INTS3: variants seen among roughly 807,000 people sequenced by gnomAD.
The protein encoded by INTS3 is SOSS complex subunit A.
Under a neutral mutation model 146.3 loss-of-function variants are expected in INTS3, and 34 were observed. The observed-to-expected ratio is 0.23, with a 90% CI of 0.18 to 0.31. INTS3 has a LOEUF of 0.31. Ranked by LOEUF, INTS3 falls within the 10% of genes least tolerant of loss-of-function variation. The pLI is 1.00. For missense variants in INTS3, 757 were observed against 1,304.2 expected (o/e 0.58, Z 6.46); for synonymous variants, 475 against 494.9 (o/e 0.96, Z 0.53).
intron 5 of INTS3, 40 bp downstream of exon 5, chr1:153,747,403 A>G: frequency 6.9e-7 from 1 of 1,459,060 alleles, no homozygotes; most frequent in Non-Finnish European, 9.6e-7. Flanking sequence ...AAAGGAGGAG[A>G]GCCCAGAGAC....
chr1:153,763,378 G>A lies in INTS3; in HGVS notation c.1766+16G>A. 2 of 1,613,578 alleles carry A rather than the reference G, an allele frequency of 1.2e-6. No individual in the cohort carries two copies. Among genetic ancestry groups the A allele is most frequent in the Non-Finnish European group, 1.7e-6 (2 of 1,179,976 alleles). The stretch of plus-strand genomic sequence containing the variant: ...AGAAGGGGAGGTGGGTACAGACCTT[G>A]TTCTCAACTTCAGGAGGTTCAGCCC... On this transcript the variant is annotated intron_variant, in intron 16 of 29. Transcript: ENST00000318967.
chr1:153,752,838 G>C (rs1212492861), intron 8 of INTS3, among the ~76,000 whole-genome samples: 2 of 152,128 alleles, frequency 1.3e-5, no homozygotes, highest in African/African-American at 4.8e-5. Flanking sequence ...GAACAGTCTT[G>C]CCTCGAATTC....
At chr1:153,751,913 G>C (rs1329072035) in intron 7 of INTS3, among the ~76,000 whole-genome samples, 1 of 152,196 alleles carries the variant, frequency 6.6e-6, no homozygotes, top group Non-Finnish European at 1.5e-5. Flanking sequence ...AATTTTGTTA[G>C]ACAAAATAAG....
intron 1 of INTS3, among the ~76,000 whole-genome samples, chr1:153,732,951 G>T (rs1204854591): frequency 6.6e-6 from 1 of 151,218 alleles, no homozygotes; most frequent in South Asian, 2.1e-4. Flanking sequence ...GTAAAGGCAC[G>T]CACCACCATG....
intron 23 of INTS3, 109 bp downstream of exon 23, chr1:153,769,953 G>A (rs926004431): frequency 2.4e-6 from 2 of 838,806 alleles, no homozygotes; most frequent in African/African-American, 3.3e-5. Context: ...GAAGTTAAGG[G>A]GAGAGAATTG....
At chr1:153,755,680 C>T (rs1425390727) in intron 9 of INTS3, among the ~76,000 whole-genome samples, 1 of 152,218 alleles carries the variant, frequency 6.6e-6, no homozygotes, top group African/African-American at 2.4e-5. Context: ...CTGTGTTCTA[C>T]TGTGTGGTAG....
At chr1:153,737,110 G>C (rs2101781621) in intron 1 of INTS3, among the ~76,000 whole-genome samples, 1 of 152,184 alleles carries the variant, frequency 6.6e-6, no homozygotes, top group Middle Eastern at 3.4e-3. Flanking sequence ...ATATTTGTCA[G>C]TTCTTCAAAA....
At chr1:153,754,494 T>C (rs1672087641) in intron 8 of INTS3, 148 bp from the exon 9 acceptor site, 1 of 700,066 alleles carries the variant, frequency 1.4e-6, no homozygotes, top group Admixed American at 2.0e-5. Context: ...AATCCCCACC[T>C]GTGCTTGACC....
chr1:153,759,113 A>G (rs1672276012), intron 10 of INTS3, among the ~76,000 whole-genome samples: 2 of 151,406 alleles, frequency 1.3e-5, no homozygotes, highest in African/African-American at 4.9e-5. Flanking sequence ...CAAGACCCTC[A>G]TCTCTACAAA....
intron 10 of INTS3, among the ~76,000 whole-genome samples, chr1:153,758,461 G>A (rs1431502995): frequency 6.6e-6 from 1 of 152,200 alleles, no homozygotes; most frequent in Non-Finnish European, 1.5e-5. Flanking sequence ...GGACTTCTGA[G>A]TCCAAGCATT....
rs1229003182 is a variant in INTS3 at position 153,757,493 on chromosome 1, T to C, written c.958-79T>C. The C allele has an allele frequency of 7.9e-7, 1 of 1,262,742 alleles. No individual in the cohort carries two copies. The highest frequency in any genetic ancestry group is 2.3e-5 in the East Asian group (1 of 42,872). The allele number at this position is 1,262,742 out of a possible 1,614,324, so 78.2% of individuals were successfully genotyped here. On this transcript the variant is annotated intron_variant, in intron 9 of 29. Transcript: ENST00000318967. The surrounding 1 kb of genome is among the most constrained non-coding windows in gnomAD (Gnocchi z 4.0). Reference sequence around the variant, plus strand: ...ATAGAGGTCTAGGGCAAACCTAGAGTTAAGTGGTGCTCGTTTTCCTCTGGC... The same window carrying C: ...ATAGAGGTCTAGGGCAAACCTAGAGCTAAGTGGTGCTCGTTTTCCTCTGGC...
chr1:153,751,123 A>G lies in INTS3; in HGVS notation c.613A>G (p.Ile205Val). 1.2e-6 allele frequency: 2 copies of G among 1,614,180 alleles called. No individual in the cohort carries two copies. The highest frequency in any genetic ancestry group is 1.7e-6 in the Non-Finnish European group (2 of 1,180,012). Residue 205 changes from isoleucine (I) to valine (V), a missense_variant, in exon 7 of 30, where the codon ATT becomes GTT. Transcript: ENST00000318967. ...GTGGGTCCTGAAGAGCAGCATCCTCATTGCCATGGCTGTTTACACGTACCT... is the reference window on the plus strand; with the variant it reads ...GTGGGTCCTGAAGAGCAGCATCCTCGTTGCCATGGCTGTTTACACGTACCT... ...REWVLKSSIL[I>V]AMAVYTYLRL... is the part of the protein sequence containing the mutation.
In INTS3 at chr1:153,764,998, T is replaced by C; in HGVS notation, c.2025T>C (p.Leu675=). Reference sequence around the variant, plus strand: ...GCAGCTTCTCTCTACTTCTAGACCTTCTCTCCGAGCTATATCAGAAGCAGC... The same window carrying C: ...GCAGCTTCTCTCTACTTCTAGACCTCCTCTCCGAGCTATATCAGAAGCAGC... The part of the protein sequence containing the change: ...DNSSFSLLLD[L]LSELYQKQPK... Residue 675 remains leucine (L), a synonymous_variant, in exon 20 of 30, where the codon CTT becomes CTC. Coordinates refer to ENST00000318967, the MANE Select transcript of INTS3 (RefSeq NM_023015.5). 2 of 1,614,052 alleles carry C rather than the reference T, an allele frequency of 1.2e-6. No individual in the cohort carries two copies. The highest frequency in any genetic ancestry group is 3.3e-4 in the Middle Eastern group (2 of 6,062).
intron 6 of INTS3, among the ~76,000 whole-genome samples, chr1:153,750,016 CCCTT>C (rs1320661356): frequency 6.6e-6 from 1 of 152,190 alleles, no homozygotes; most frequent in Admixed American, 6.5e-5. Flanking sequence ...CCTTCTCACT[CCCTT>C]CCAAATGTTT....
rs746195194 is a variant in INTS3, at chr1:153,771,974, GT to G, written c.2720+12del. On this transcript the variant is annotated intron_variant, in intron 26 of 29. Transcript: ENST00000318967. ...TCGCAAGAGACAGAGGTGGGACACG[GT>G]CCCTGTCTACCCTCCAGGCCATGGC... 1.2e-5 allele frequency: 20 copies of G among 1,608,996 alleles called. No homozygotes were observed. Among genetic ancestry groups the G allele is most frequent in the African/African-American group, 2.7e-5 (2 of 74,858 alleles).
At chr1:153,734,743 TC>T (rs1352599716) in intron 1 of INTS3, among the ~76,000 whole-genome samples, 2 of 152,084 alleles carry the variant, frequency 1.3e-5, no homozygotes, top group Non-Finnish European at 2.9e-5. Flanking sequence ...CCCCTCCCTC[TC>T]CCCTACCTTT....
Position 153,728,211 on chromosome 1 carries a change from G to A in INTS3, c.-424G>A. On this transcript the variant is annotated 5_prime_UTR_variant, in exon 1 of 30. Coordinates refer to ENST00000318967, the MANE Select transcript of INTS3 (RefSeq NM_023015.5). ...CAAGCCTTGGGGCATCAGCCAGGAA[G>A]GTTTCCTACCTCCTAATTCAGGGGC... is the stretch of plus-strand genomic sequence containing the variant. 1 of 397,502 alleles carries A rather than the reference G, an allele frequency of 2.5e-6. No homozygotes were observed. Among genetic ancestry groups the A allele is most frequent in the East Asian group, 3.6e-5 (1 of 27,896 alleles). 24.6% of individuals were successfully genotyped at this position (397,502 alleles called of 1,614,324 possible).
chr1:153,743,364 G>A (rs2101792007), intron 3 of INTS3, among the ~76,000 whole-genome samples: 1 of 152,326 alleles, frequency 6.6e-6, no homozygotes, highest in Middle Eastern at 3.4e-3. Context: ...AAGTGGATAT[G>A]GTGGAGAAGT....
At chr1:153,770,030 C>T (rs1672756699) in intron 23 of INTS3, among the ~76,000 whole-genome samples, 168 bp from the exon 24 acceptor site, 1 of 121,342 alleles carries the variant, frequency 8.2e-6, no homozygotes, top group African/African-American at 3.5e-5. Context: ...AACATCCCTG[C>T]TTGGGGTGCT....
Sources: allele counts gnomAD v4.1 joint callset (sites outside exome capture counted in the v4.1 genomes callset), GRCh38; gene constraint gnomAD v4.1.1; non-coding constraint Gnocchi (gnomAD v3.1); transcripts MANE v1.5; gene names NCBI Gene and HGNC (gene_info 2026-07-23, HGNC 2026-07-21).